VPS13C: variants seen among roughly 807,000 people sequenced by gnomAD.
VPS13C encodes vacuolar protein sorting 13 homolog C.
VPS13C carries 358 observed loss-of-function variants against 456.8 expected under a neutral mutation model. The ratio of observed to expected loss-of-function variants is 0.78; its 90% CI spans 0.72 to 0.86. The LOEUF (loss-of-function observed/expected upper bound fraction) is 0.86. Ranked by LOEUF, VPS13C falls within the 40% of genes least tolerant of loss-of-function variation. VPS13C has a pLI of 0.00. For missense variants in VPS13C, 4,818 were observed against 4,385.4 expected, an observed-to-expected ratio of 1.10 and a Z score of -2.79; for synonymous variants, 1,578 against 1,486.7, an observed-to-expected ratio of 1.06 and a Z score of -1.41.
At chr15:61,923,735 T>C (rs2043738038) in intron 53 of VPS13C, among the ~76,000 whole-genome samples, 1 of 150,264 alleles carries the variant, frequency 6.7e-6, no homozygotes, top group South Asian at 2.1e-4. Flanking sequence ...CTAGTATGTA[T>C]TGTTTTCCTA....
chr15:61,997,531 A>C (rs1386222143), intron 16 of VPS13C, among the ~76,000 whole-genome samples: 1 of 152,072 alleles, frequency 6.6e-6, no homozygotes, highest in Admixed American at 6.6e-5. Context: ...CTAAAACTTA[A>C]TAGGTCCCAA....
intron 18 of VPS13C, among the ~76,000 whole-genome samples, chr15:61,985,458 T>A (rs926512975): frequency 2.0e-5 from 3 of 152,152 alleles, no homozygotes; most frequent in Non-Finnish European, 4.4e-5. Context: ...GGTTTCACCA[T>A]GTTGGTCAGA....
chr15:61,969,297 A>G lies in VPS13C; in HGVS notation c.2911+2T>C. ...TATTATTTCTATTTTTATGGGTATT[A>G]CCTTCAATTTCATGATAATCCAAGC... On this transcript the variant is annotated splice_donor_variant, in intron 28 of 84. Transcript: ENST00000644861. LOFTEE classifies it high-confidence loss of function. 1 of 1,585,264 alleles carries G rather than the reference A, an allele frequency of 6.3e-7. No homozygotes were observed. Among genetic ancestry groups the G allele is most frequent in the Non-Finnish European group, 8.6e-7 (1 of 1,165,312 alleles).
Position 62,044,784 on chromosome 15 carries a change from TAA to T in VPS13C, c.101-531_101-530del, listed in dbSNP as rs139533377. On this transcript the variant is annotated intron_variant, in intron 1 of 84. Coordinates refer to ENST00000644861, the MANE Select transcript of VPS13C (RefSeq NM_020821.3). ...TCCAACTTTTATTATATTCATATGC[TAA>T]GTTATAAAAATACTATTACATGACT... is the stretch of plus-strand genomic sequence containing the variant. Among the ~76,000 whole-genome samples, 300 of 152,290 alleles carry T rather than the reference TAA, an allele frequency of 2.0e-3. 1 individual carries two copies. The highest frequency in any genetic ancestry group is 6.9e-3 in the African/African-American group (289 of 41,588).
chr15:61,968,332 T>G (rs1333798909), intron 28 of VPS13C, among the ~76,000 whole-genome samples: 1 of 151,700 alleles, frequency 6.6e-6, no homozygotes, highest in Non-Finnish European at 1.5e-5. Flanking sequence ...ATCAACATGG[T>G]GTAACAACTC....
chr15:61,881,396 C>G (rs1465963077), intron 71 of VPS13C, among the ~76,000 whole-genome samples, 167 bp downstream of exon 71: 1 of 151,280 alleles, frequency 6.6e-6, no homozygotes, highest in Non-Finnish European at 1.5e-5. Flanking sequence ...GAGACTACTA[C>G]TAAAATAAGT....
intron 82 of VPS13C, 122 bp from the exon 83 acceptor site, chr15:61,856,531 T>TA (rs3833021): frequency 0.015 from 13,397 of 893,808 alleles, no homozygotes; most frequent in South Asian, 0.021. Flanking sequence ...AAACTGGCAC[T>TA]AAAAAAAAAA....
chr15:61,930,118 G>A (rs1213625646), intron 50 of VPS13C, among the ~76,000 whole-genome samples: 1 of 152,110 alleles, frequency 6.6e-6, no homozygotes, highest in Non-Finnish European at 1.5e-5. Context: ...CAAAATAAAG[G>A]CAGCCTTTTA....
intron 1 of VPS13C, among the ~76,000 whole-genome samples, chr15:62,046,321 C>T (rs1289928131): frequency 6.6e-6 from 1 of 152,094 alleles, no homozygotes; most frequent in African/African-American, 2.4e-5. Context: ...TCATCACTGT[C>T]CAGATGCAGG....
At chr15:61,971,798 A>G (rs1416196438) in intron 27 of VPS13C, among the ~76,000 whole-genome samples, 1 of 152,238 alleles carries the variant, frequency 6.6e-6, no homozygotes, top group Non-Finnish European at 1.5e-5. Context: ...AAGAAGGCTA[A>G]CAGTAAAGAA....
At position 61,922,031 on chromosome 15, in the gene VPS13C, C is replaced by A. The variant is rs552134722; in HGVS notation, c.6978G>T (p.Val2326=). ...CAGCATGGATCTCATTGTAATAGTG[C>A]ACCTGGAAAGATACACACAAAATTA... is the stretch of plus-strand genomic sequence containing the variant. The part of the protein sequence containing the change: ...MAAVADVTLQ[V]HYYNEIHAVW... The change falls in exon 55 of 85, where the codon GTG becomes GTT. Residue 2326 remains valine (V), a splice_region_variant and synonymous_variant. Transcript: ENST00000644861. 6.2e-7 allele frequency: 1 copy of A among 1,613,204 alleles called. No individual in the cohort carries two copies. The highest frequency in any genetic ancestry group is 8.5e-7 in the Non-Finnish European group (1 of 1,179,518).
At position 61,950,425 on chromosome 15, in the gene VPS13C, T is replaced by C. The variant is rs1372433300; in HGVS notation, c.4537-8A>G. 2 of 1,605,336 alleles carry C rather than the reference T, an allele frequency of 1.2e-6. No individual in the cohort carries two copies. The highest frequency in any genetic ancestry group is 2.2e-5 in the East Asian group (1 of 44,656). On this transcript the variant is annotated splice_region_variant and splice_polypyrimidine_tract_variant and intron_variant, in intron 40 of 84. Coordinates refer to ENST00000644861, the MANE Select transcript of VPS13C (RefSeq NM_020821.3). Reference sequence around the variant, plus strand: ...TGGTCCATCACTGTCTGCCTACAAATAGTGGAGAATTACACCACTGAGTTT... The same window carrying C: ...TGGTCCATCACTGTCTGCCTACAAACAGTGGAGAATTACACCACTGAGTTT...
At position 61,912,006 on chromosome 15, in the gene VPS13C, T is replaced by A; in HGVS notation, c.8551-2A>T. On this transcript the variant is annotated splice_acceptor_variant, in intron 62 of 84. Transcript: ENST00000644861. LOFTEE classifies it high-confidence loss of function. ...GCTCATTTTGATGCTAACACCAACC[T>A]GTGGAAAGGAAAAAAGCTTATTTTC... 6.4e-7 allele frequency: 1 copy of A among 1,571,344 alleles called. No homozygotes were observed. The highest frequency in any genetic ancestry group is 1.4e-5 in the African/African-American group (1 of 73,880).
Position 61,907,283 on chromosome 15 carries a change from C to T in VPS13C, c.9086G>A (p.Gly3029Glu). ...AGATACCTTTAACAGATCATGTTCCCCAACATTTGCTGCATATGTCCATGT... is the reference window on the plus strand; with the variant it reads ...AGATACCTTTAACAGATCATGTTCCTCAACATTTGCTGCATATGTCCATGT... ...KLTWTYAANV[G>E]EHDLLKDGCG... The change falls in exon 66 of 85, where the codon GGG becomes GAG. Residue 3029 changes from glycine (G) to glutamate (E), a missense_variant. By Grantham distance (98) the Gly-to-Glu change is moderately conservative (BLOSUM62 -2). Around this residue, in one of 3 missense-constraint regions of VPS13C, gnomAD observed 4,552 missense variants for 4,130.6 expected, o/e 1.10. Coordinates refer to ENST00000644861, the MANE Select transcript of VPS13C (RefSeq NM_020821.3). The T allele has an allele frequency of 1.2e-6, 2 of 1,613,872 alleles. No homozygotes were observed. The highest frequency in any genetic ancestry group is 1.7e-6 in the Non-Finnish European group (2 of 1,179,820).
At chr15:61,859,296 G>A (rs544071303) in intron 82 of VPS13C, among the ~76,000 whole-genome samples, 5 of 152,210 alleles carry the variant, frequency 3.3e-5, no homozygotes, top group Middle Eastern at 6.8e-3. Context: ...CAGAGAAGTC[G>A]AGAATGCAGT....
At position 61,899,667 on chromosome 15, in the gene VPS13C, G is replaced by A. The variant is rs1053157284; in HGVS notation, c.9105+7597C>T. Among the ~76,000 whole-genome samples, 30 of 150,206 alleles carry A rather than the reference G, an allele frequency of 2.0e-4. No homozygotes were observed. In the East Asian group the frequency reaches 5.3e-3, roughly 27 times the overall value. On this transcript the variant is annotated intron_variant, in intron 66 of 84. Transcript: ENST00000644861. Reference sequence around the variant, plus strand: ...TCCAGGACCAGATGGATTCACAGCCGAATTCTACCAGAGGTACAAGGACGA... The same window carrying A: ...TCCAGGACCAGATGGATTCACAGCCAAATTCTACCAGAGGTACAAGGACGA...
intron 66 of VPS13C, among the ~76,000 whole-genome samples, chr15:61,897,187 C>A (rs191818422): frequency 6.6e-6 from 1 of 152,160 alleles, no homozygotes; most frequent in Non-Finnish European, 1.5e-5. Flanking sequence ...CTCTAAAGAG[C>A]GGAGCACCTC....
chr15:62,048,825 G>A (rs1325560227), intron 1 of VPS13C, among the ~76,000 whole-genome samples: 1 of 152,042 alleles, frequency 6.6e-6, no homozygotes. Flanking sequence ...ATCTCGTTGT[G>A]GTTTTGATTT....
chr15:61,920,079 T>A lies in VPS13C; in HGVS notation c.7465A>T (p.Thr2489Ser). The A allele has an allele frequency of 6.2e-7, 1 of 1,604,756 alleles. No individual in the cohort carries two copies. The highest frequency in any genetic ancestry group is 8.5e-7 in the Non-Finnish European group (1 of 1,173,698). ...ILSRQESSFFTLTIVPHGYTE... is the reference protein window; with the variant it reads ...ILSRQESSFFSLTIVPHGYTE... ...AAATATAGCCTACCAATGGTCAGAG[T>A]GAAGAAGGAGCTTTCTTGACGGCTC... is the stretch of plus-strand genomic sequence containing the variant. The change falls in exon 57 of 85, where the codon ACT (threonine) becomes TCT (serine). Residue 2489 changes from threonine to serine, a missense_variant. Transcript: ENST00000644861.
Sources: gnomAD v4.1 joint callset for allele counts (sites outside exome capture counted in the v4.1 genomes callset) on GRCh38, gnomAD v4.1.1 for gene constraint, gnomAD v4.1.1 regional missense constraint, MANE v1.5 for transcripts, NCBI Gene and HGNC (gene_info 2026-07-23, HGNC 2026-07-21) for gene names.